Variants in TPCN1 observed in about 807,000 individuals in gnomAD.
TPCN1 encodes two pore segment channel 1, also known as two pore channel protein 1.
A neutral mutation model predicts 108.8 loss-of-function variants in TPCN1; 52 were observed. The ratio of observed to expected loss-of-function variants is 0.48; its 90% CI spans 0.38 to 0.60. The LOEUF (loss-of-function observed/expected upper bound fraction) is 0.60, where lower values mean the gene tolerates loss of function less well. Ranked by LOEUF, TPCN1 falls within the 20% of genes least tolerant of loss-of-function variation. The pLI is 0.00. For synonymous variants in TPCN1, 446 were observed against 433.7 expected (o/e 1.03, Z -0.35); for missense variants, 806 against 1,072.8 (o/e 0.75, Z 3.47).
At chr12:113,244,363 T>C (rs939110476) in intron 2 of TPCN1, 10 of 985,388 alleles carry the variant, frequency 1.0e-5, no homozygotes, top group African/African-American at 1.7e-5. Context: ...TTTCTGAAGG[T>C]TGGTACATTT....
intron 2 of TPCN1, among the ~76,000 whole-genome samples, chr12:113,247,187 G>A (rs372449586): frequency 2.0e-5 from 3 of 152,284 alleles, no homozygotes; most frequent in East Asian, 1.9e-4. Context: ...GCCAGCTGGG[G>A]GCCCCTGCAC....
chr12:113,286,453 G>GCGAGGGTGAGCGGGTTAACACGCA (rs1298238142), intron 18 of TPCN1, among the ~76,000 whole-genome samples: 229 of 151,402 alleles, frequency 1.5e-3, no homozygotes, highest in East Asian at 4.1e-3. Flanking sequence ...CACGCAGAGC[G>GCGAGGGTGAGCGGGTTAACACGCA]GAGTTGGGAG....
Position 113,273,386 on chromosome 12 carries a change from AGGTGCTGT to A in TPCN1, c.842+103_842+110del. ...GTATATTCCACATCCCAGCACAGGC[AGGTGCTGT>A]GGTGCTATTGGGAGACAGGGTTGGC... On this transcript the variant is annotated intron_variant, in intron 9 of 27. Transcript: ENST00000335509. This position sits in a 1 kb window ranked among gnomAD's most constrained non-coding sequence, Gnocchi z 4.0. 1 of 1,411,972 alleles carries A rather than the reference AGGTGCTGT, an allele frequency of 7.1e-7. No homozygotes were observed. The highest frequency in any genetic ancestry group is 1.0e-6 in the Non-Finnish European group (1 of 997,750). The allele number at this position is 1,411,972 out of a possible 1,614,324, so 87.5% of individuals were successfully genotyped here.
Position 113,272,853 on chromosome 12 carries a change from G to T in TPCN1, c.783+161G>T, listed in dbSNP as rs1955551035. ...TGCACCTGGGAGTTCCCATCACTCA[G>T]ACTTGACCACTTTCTTCCTTGAGAG... On this transcript the variant is annotated intron_variant, in intron 8 of 27. Transcript: ENST00000335509. The surrounding 1 kb of genome is among the most constrained non-coding windows in gnomAD (Gnocchi z 4.1). Among the ~76,000 whole-genome samples, 1 of 152,162 alleles carries T rather than the reference G, an allele frequency of 6.6e-6. No individual in the cohort carries two copies. The highest frequency in any genetic ancestry group is 2.4e-5 in the African/African-American group (1 of 41,442).
intron 2 of TPCN1, among the ~76,000 whole-genome samples, chr12:113,238,416 G>C (rs189411962): frequency 6.8e-4 from 104 of 152,300 alleles, no homozygotes; most frequent in Non-Finnish European, 1.3e-3. Flanking sequence ...TGAGTGCCAC[G>C]TGGGTGTGAC....
intron 19 of TPCN1, among the ~76,000 whole-genome samples, chr12:113,287,670 C>T (rs926713374): frequency 6.6e-6 from 1 of 152,230 alleles, no homozygotes; most frequent in Non-Finnish European, 1.5e-5. Flanking sequence ...GCGGGACAGG[C>T]GGGGCAGGTG....
At chr12:113,247,691 C>T (rs1027537164) in intron 2 of TPCN1, among the ~76,000 whole-genome samples, 8 of 152,366 alleles carry the variant, frequency 5.3e-5, no homozygotes, top group Admixed American at 4.6e-4. Flanking sequence ...TGTGGCTCCT[C>T]GCCTTCCATT....
rs1368039280 is a variant in TPCN1 at position 113,288,790 on chromosome 12, C to A, written c.1739C>A (p.Ser580Tyr). The A allele has an allele frequency of 6.2e-7, 1 of 1,613,456 alleles. No individual in the cohort carries two copies. Among genetic ancestry groups the A allele is most frequent in the South Asian group, 1.1e-5 (1 of 91,088 alleles). ...LGLTLLIFYY[S>Y]FAIVGMEFFC... ...CTCACCCTGCTCATCTTTTACTACT[C>A]CTTCGCCATCGTGGGCATGGAGTTC... Residue 580 changes from serine to tyrosine, a missense_variant, in exon 21 of 28, where the codon TCC becomes TAC. Physicochemically the swap from Ser to Tyr is moderately radical, Grantham distance 144 (BLOSUM62 -2). Coordinates refer to ENST00000335509, the MANE Select transcript of TPCN1 (RefSeq NM_017901.6). This position sits in a 1 kb window ranked among gnomAD's most constrained non-coding sequence, Gnocchi z 4.8.
chr12:113,278,834 A>G lies in TPCN1; in HGVS notation c.1296A>G (p.Lys432=), dbSNP rs1326431472. 1 of 1,613,788 alleles carries G rather than the reference A, an allele frequency of 6.2e-7. No individual in the cohort carries two copies. Among genetic ancestry groups the G allele is most frequent in the Admixed American group, 1.7e-5 (1 of 60,004 alleles). ...ELPRTALLIF[K]GINILVKSKA... ...CCAGGACGGCGCTCCTCATCTTCAA[A>G]GGTAAGTGGGCTTGAGTATGGCAGG... The change falls in exon 14 of 28, where the codon AAA becomes AAG. Residue 432 remains lysine (K), a splice_region_variant and synonymous_variant. Coordinates refer to ENST00000335509, the MANE Select transcript of TPCN1 (RefSeq NM_017901.6).
At chr12:113,283,075 T>C (rs1252022105) in intron 15 of TPCN1, among the ~76,000 whole-genome samples, 1 of 151,924 alleles carries the variant, frequency 6.6e-6, no homozygotes, top group African/African-American at 2.4e-5. Flanking sequence ...AGACTCCATC[T>C]CAAGAAAAAG....
chr12:113,233,275 G>T (rs1489427112), intron 2 of TPCN1, among the ~76,000 whole-genome samples: 1 of 152,172 alleles, frequency 6.6e-6, no homozygotes, highest in Non-Finnish European at 1.5e-5. Context: ...TGAAGCACCT[G>T]CCACTCTCCT....
At chr12:113,242,385 G>C (rs1954177789) in intron 2 of TPCN1, among the ~76,000 whole-genome samples, 1 of 152,200 alleles carries the variant, frequency 6.6e-6, no homozygotes, top group Admixed American at 6.5e-5. Flanking sequence ...TGCGGAAACA[G>C]TGGAGGGAAA....
chr12:113,239,273 C>T (rs114354287), intron 2 of TPCN1, among the ~76,000 whole-genome samples: 1 of 152,216 alleles, frequency 6.6e-6, no homozygotes, highest in South Asian at 2.1e-4. Context: ...CCTGCTCCCC[C>T]CAGCTAGGGC....
At chr12:113,291,846 C>G (rs750943591) in intron 24 of TPCN1, 28 bp from the exon 25 acceptor site, 1 of 1,516,814 alleles carries the variant, frequency 6.6e-7, no homozygotes, top group Non-Finnish European at 9.2e-7. Context: ...TCCCCTGCCT[C>G]TGCCCCTCCC....
At chr12:113,291,027 C>G in intron 23 of TPCN1, 29 bp downstream of exon 23, 3 of 1,611,092 alleles carry the variant, frequency 1.9e-6, no homozygotes, top group African/African-American at 1.3e-5. Context: ...CTGGGGGTAT[C>G]TTCCCGCCAG....
chr12:113,281,978 T>C (rs1389805632), intron 15 of TPCN1, among the ~76,000 whole-genome samples: 1 of 149,162 alleles, frequency 6.7e-6, no homozygotes, highest in Non-Finnish European at 1.5e-5. Flanking sequence ...TGTGGTGCAG[T>C]GGCATGATCT....
chr12:113,279,357 GTGTATA>G (rs1291089672), intron 14 of TPCN1, among the ~76,000 whole-genome samples: 128 of 65,918 alleles, frequency 1.9e-3, no homozygotes, highest in Non-Finnish European at 2.3e-3. Flanking sequence ...GTGTGTGTGT[GTGTATA>G]TATATATATA....
chr12:113,257,256 C>T (rs1954859750), intron 2 of TPCN1, among the ~76,000 whole-genome samples: 1 of 152,166 alleles, frequency 6.6e-6, no homozygotes, highest in South Asian at 2.1e-4. Context: ...CTTTGGGAGG[C>T]CGAGGCGGGC....
intron 2 of TPCN1, among the ~76,000 whole-genome samples, chr12:113,235,790 C>T (rs1364380044): frequency 6.6e-6 from 1 of 151,878 alleles, no homozygotes; most frequent in Non-Finnish European, 1.5e-5. Flanking sequence ...AAGATGGGGG[C>T]AGGAGGAGAT....
Sources: gnomAD v4.1 joint callset for allele counts (sites outside exome capture counted in the v4.1 genomes callset) on GRCh38, gnomAD v4.1.1 for gene constraint, Gnocchi (gnomAD v3.1) non-coding constraint, MANE v1.5 for transcripts, NCBI Gene and HGNC (gene_info 2026-07-23, HGNC 2026-07-21) for gene names.